COG6: variants seen among roughly 807,000 people sequenced by gnomAD.
The protein encoded by COG6 is component of oligomeric golgi complex 6, also known as conserved oligomeric Golgi complex subunit 6.
COG6 carries 74 observed loss-of-function variants against 88.8 expected under a neutral mutation model. That is an observed-to-expected ratio of 0.83 (90% CI 0.69 to 1.01). The LOEUF (loss-of-function observed/expected upper bound fraction) is 1.01. Ranked by LOEUF, COG6 falls within the 50% of genes least tolerant of loss-of-function variation. The pLI is 0.00. For synonymous variants in COG6, 286 were observed against 278.7 expected, an observed-to-expected ratio of 1.03 and a Z score of -0.26; for missense variants, 800 against 797.9, an observed-to-expected ratio of 1.00 and a Z score of -0.03.
chr13:39,709,071 CTT>C, intron 13 of COG6, among the ~76,000 whole-genome samples: 1 of 152,182 alleles, frequency 6.6e-6, no homozygotes, highest in South Asian at 2.1e-4. Context: ...CAAATTCTAA[CTT>C]TTCCAATCAT....
At chr13:39,687,322 A>G (rs780448356) in intron 8 of COG6, among the ~76,000 whole-genome samples, 181 bp from the exon 9 acceptor site, 2 of 152,138 alleles carry the variant, frequency 1.3e-5, no homozygotes, top group Non-Finnish European at 2.9e-5. Flanking sequence ...TGAATTTTCA[A>G]TGAGCTGAAG....
chr13:39,704,758 T>C (rs1877789028), intron 13 of COG6, among the ~76,000 whole-genome samples: 2 of 152,204 alleles, frequency 1.3e-5, no homozygotes, highest in African/African-American at 4.8e-5. Context: ...GTAATCTGAA[T>C]TTATTAATTA....
intron 17 of COG6, among the ~76,000 whole-genome samples, chr13:39,725,064 A>G (rs552063083): frequency 6.6e-6 from 1 of 151,662 alleles, no homozygotes; most frequent in South Asian, 2.1e-4. Flanking sequence ...CATGATCACT[A>G]CTTTTTGTAG....
chr13:39,791,302 A>G (rs946352512), exon 19 of COG6: 3 of 152,108 alleles, frequency 2.0e-5, no homozygotes, highest in African/African-American at 7.2e-5. Context: ...GCTCTTAAGC[A>G]TCTATGGAAA....
In COG6 at chr13:39,751,720, A is replaced by G; in HGVS notation, c.*627A>G. ...ACTGTGTACATTCTTATGCAATTTT[A>G]AGTATACACTCAGCAATAATTAGAA... On this transcript the variant is annotated 3_prime_UTR_variant, in exon 19 of 19. Coordinates refer to ENST00000455146, the MANE Select transcript of COG6 (RefSeq NM_020751.3). The G allele has an allele frequency of 3.1e-6, 4 of 1,286,980 alleles. No individual in the cohort carries two copies. Among genetic ancestry groups the G allele is most frequent in the Non-Finnish European group, 4.0e-6 (4 of 988,504 alleles). The allele number at this position is 1,286,980 out of a possible 1,614,324, so 79.7% of individuals were successfully genotyped here. A position where few individuals can be genotyped will look rare whatever the true frequency, so the allele number is the denominator to read the frequency against.
At chr13:39,725,975 A>G (rs561782634) in intron 17 of COG6, among the ~76,000 whole-genome samples, 32 of 152,056 alleles carry the variant, frequency 2.1e-4, no homozygotes, top group Admixed American at 7.9e-4. Context: ...TCCAGTCTGT[A>G]ATACAACTCA....
intron 13 of COG6, among the ~76,000 whole-genome samples, chr13:39,715,447 T>G (rs1044335352): frequency 2.6e-5 from 4 of 152,084 alleles, no homozygotes; most frequent in Non-Finnish European, 4.4e-5. Flanking sequence ...TTTTTTCTGT[T>G]TATGAAAGGT....
At chr13:39,679,780 GC>G in intron 6 of COG6, 160 bp downstream of exon 6, 1 of 699,996 alleles carries the variant, frequency 1.4e-6, no homozygotes, top group Non-Finnish European at 2.6e-6. Flanking sequence ...ACAGGTTTAG[GC>G]TAAAACAGCA....
intron 17 of COG6, 122 bp from the exon 18 acceptor site, chr13:39,727,347 T>G: frequency 1.3e-6 from 1 of 758,862 alleles, no homozygotes; most frequent in Non-Finnish European, 2.4e-6. Flanking sequence ...AACACAACAA[T>G]CTAGTTATTT....
At position 39,758,229 on chromosome 13, in the gene COG6, AAAAAAAAAAAAAAT is replaced by A. The variant is rs1566041989; in HGVS notation, c.1827-30105_1827-30092del. Among the ~76,000 whole-genome samples the A allele has an allele frequency of 2.0e-5, 3 of 149,770 alleles. No homozygotes were observed. The South Asian group carries it at 6.4e-4, about 32-fold the overall frequency. ...GCGAGATGCCTTCTCAAAAAAAAAAAAAAAAAAAAAAAATGACGAGCTGGACGCGGTGGCTCATG... is the reference window on the plus strand; with the variant it reads ...GCGAGATGCCTTCTCAAAAAAAAAAAGACGAGCTGGACGCGGTGGCTCATG... On this transcript the variant is annotated intron_variant, in intron 18 of 18. Coordinates refer to the COG6 transcript ENST00000416691.
In COG6 at chr13:39,679,963, A is replaced by AT. The variant is rs397756552; in HGVS notation, c.624-3dup. The stretch of plus-strand genomic sequence containing the variant: ...ACTAAAGTTTAAATTATAATCATTA[A>AT]TTTTTTTTTAGTTTAGAAATTATGG... On this transcript the variant is annotated splice_polypyrimidine_tract_variant and intron_variant, in intron 6 of 18. Coordinates refer to ENST00000455146, the MANE Select transcript of COG6 (RefSeq NM_020751.3). The AT allele has an allele frequency of 0.24, 327,393 of 1,389,362 alleles. 35,440 individuals carry two copies. The highest frequency in any genetic ancestry group is 0.35 in the African/African-American group (24,584 of 69,516). The allele number at this position is 1,389,362 out of a possible 1,614,324, so 86.1% of individuals were successfully genotyped here.
At chr13:39,709,680 A>G (rs190918268) in intron 13 of COG6, among the ~76,000 whole-genome samples, 1 of 152,140 alleles carries the variant, frequency 6.6e-6, no homozygotes, top group East Asian at 1.9e-4. Context: ...GTGTGTGTGT[A>G]TATGTGTGGT....
chr13:39,728,591 C>T (rs1455130019), intron 18 of COG6, among the ~76,000 whole-genome samples: 1 of 150,616 alleles, frequency 6.6e-6, no homozygotes, highest in African/African-American at 2.4e-5. Context: ...AGATATTATA[C>T]TATTTACATA....
intron 18 of COG6, among the ~76,000 whole-genome samples, chr13:39,749,075 T>TTGTC (rs2138144270): frequency 6.6e-6 from 1 of 152,330 alleles, no homozygotes; most frequent in African/African-American, 2.4e-5. Flanking sequence ...CTTAACACAA[T>TTGTC]ATTACTATTA....
intron 4 of COG6, among the ~76,000 whole-genome samples, chr13:39,668,526 C>T (rs1173164976): frequency 1.3e-5 from 2 of 152,146 alleles, no homozygotes; most frequent in African/African-American, 2.4e-5. Flanking sequence ...CCGTAGCTCA[C>T]ACCTGTAATC....
intron 18 of COG6, among the ~76,000 whole-genome samples, chr13:39,733,968 T>C (rs138974246): frequency 0.018 from 2,781 of 152,294 alleles, 44 homozygotes; most frequent in Middle Eastern, 0.054. Context: ...TTGGCTGTGA[T>C]GTCTCCTTTT....
At chr13:39,737,090 G>A (rs1879788944) in intron 18 of COG6, among the ~76,000 whole-genome samples, 1 of 152,090 alleles carries the variant, frequency 6.6e-6, no homozygotes, top group African/African-American at 2.4e-5. Flanking sequence ...CATTGGTGGT[G>A]TTGGGTGAGA....
intron 6 of COG6, 28 bp from the exon 7 acceptor site, chr13:39,679,947 T>G (rs750681330): frequency 1.6e-6 from 2 of 1,229,308 alleles, no homozygotes; most frequent in Admixed American, 3.4e-5. Context: ...GACTAAAGTT[T>G]AAATTATAAT....
At chr13:39,716,835 A>G (rs1878555252) in intron 13 of COG6, among the ~76,000 whole-genome samples, 1 of 152,214 alleles carries the variant, frequency 6.6e-6, no homozygotes, top group Non-Finnish European at 1.5e-5. Context: ...TATGCCCATC[A>G]ACATAGACTT....
Sources: gnomAD v4.1 joint callset for allele counts (sites outside exome capture counted in the v4.1 genomes callset) on GRCh38, gnomAD v4.1.1 for gene constraint, MANE v1.5 for transcripts, NCBI Gene and HGNC (gene_info 2026-07-23, HGNC 2026-07-21) for gene names.